The following SLC6A13 variants were observed in gnomAD, a reference collection of about 807,000 sequenced individuals.
SLC6A13 encodes the protein sodium- and chloride-dependent GABA transporter 2.
SLC6A13 carries 69 observed loss-of-function variants against 72.9 expected under a neutral mutation model. The observed-to-expected ratio is 0.95, with a 90% CI of 0.78 to 1.16. SLC6A13 has a LOEUF of 1.16. Ranked by LOEUF, SLC6A13 falls within the 50% of genes most tolerant of loss-of-function variation. The pLI, the probability that SLC6A13 is intolerant of heterozygous loss-of-function variation, is 0.00. For missense variants in SLC6A13, 735 were observed against 760.5 expected, an observed-to-expected ratio of 0.97 and a Z score of 0.39; for synonymous variants, 303 against 303.0, an observed-to-expected ratio of 1.00 and a Z score of 0.00.
chr12:238,675 T>C (rs972100674), intron 4 of SLC6A13, among the ~76,000 whole-genome samples: 2 of 152,208 alleles, frequency 1.3e-5, no homozygotes, highest in Non-Finnish European at 2.9e-5. Flanking sequence ...TTAAGACAGA[T>C]ACTGTTTTCC....
intron 11 of SLC6A13, 39 bp from the exon 12 acceptor site, chr12:223,273 A>G (rs1941293536): frequency 7.2e-7 from 1 of 1,385,692 alleles, no homozygotes; most frequent in African/African-American, 1.4e-5. Context: ...AAGTTTATCC[A>G]GTGGAAACAG....
chr12:244,669 G>C (rs2137300198), intron 2 of SLC6A13, among the ~76,000 whole-genome samples: 1 of 152,150 alleles, frequency 6.6e-6, no homozygotes, highest in South Asian at 2.1e-4. Context: ...CCTCCAACCT[G>C]GGTGACAGAG....
intron 3 of SLC6A13, among the ~76,000 whole-genome samples, chr12:242,985 A>C (rs1309875356): frequency 6.6e-6 from 1 of 152,028 alleles, no homozygotes; most frequent in Non-Finnish European, 1.5e-5. Context: ...AATACTGTAA[A>C]TTTTAAATAC....
chr12:232,317 C>T (rs1337223595), intron 7 of SLC6A13, among the ~76,000 whole-genome samples: 2 of 152,216 alleles, frequency 1.3e-5, no homozygotes, highest in African/African-American at 4.8e-5. Flanking sequence ...TGGTTCTCAA[C>T]TCTGCCCCTC....
chr12:243,651 C>A, intron 3 of SLC6A13, 28 bp downstream of exon 3: 1 of 1,603,658 alleles, frequency 6.2e-7, no homozygotes, highest in Non-Finnish European at 8.5e-7. Context: ...AATGAAGACG[C>A]TTTGGAGTCA....
intron 7 of SLC6A13, among the ~76,000 whole-genome samples, chr12:231,333 CA>C (rs1226576925): frequency 6.6e-6 from 1 of 152,228 alleles, no homozygotes; most frequent in Non-Finnish European, 1.5e-5. Context: ...CAACCGGCCT[CA>C]GTGCTTGGCA....
intron 8 of SLC6A13, among the ~76,000 whole-genome samples, chr12:227,325 C>T (rs1394597009): frequency 6.6e-6 from 1 of 152,202 alleles, no homozygotes; most frequent in Non-Finnish European, 1.5e-5. Context: ...GGAGGCCAGG[C>T]ACCCCTGCTG....
At chr12:224,310 C>T in intron 10 of SLC6A13, 91 bp downstream of exon 10, 2 of 1,344,022 alleles carry the variant, frequency 1.5e-6, no homozygotes, top group East Asian at 4.6e-5. Flanking sequence ...CCCAAAAGGG[C>T]ATCCACTTCT....
intron 13 of SLC6A13, 32 bp from the exon 14 acceptor site, chr12:221,578 G>T (rs1250306506): frequency 6.9e-7 from 1 of 1,443,870 alleles, no homozygotes; most frequent in Non-Finnish European, 9.4e-7. Context: ...AAAGGGGTTG[G>T]GGGGCGGGGG....
At chr12:248,627 G>A (rs988189593) in intron 2 of SLC6A13, among the ~76,000 whole-genome samples, 10 of 152,102 alleles carry the variant, frequency 6.6e-5, no homozygotes, top group East Asian at 5.8e-4. Flanking sequence ...CAAAATGCAC[G>A]AAGCAAAAAC....
chr12:244,879 T>G (rs572204347), intron 2 of SLC6A13, among the ~76,000 whole-genome samples: 1 of 152,358 alleles, frequency 6.6e-6, no homozygotes, highest in East Asian at 1.9e-4. Context: ...ATCTCAGGTG[T>G]TCTGTTGTAG....
intron 13 of SLC6A13, among the ~76,000 whole-genome samples, chr12:221,995 C>G (rs1202664462): frequency 2.0e-5 from 3 of 152,246 alleles, no homozygotes; most frequent in Admixed American, 6.5e-5. Flanking sequence ...GTTGTGGTTT[C>G]AGGCTCACAT....
chr12:226,274 A>T, intron 9 of SLC6A13, 116 bp downstream of exon 9: 1 of 1,279,380 alleles, frequency 7.8e-7, no homozygotes, highest in Non-Finnish European at 1.1e-6. Context: ...GCATCCACTG[A>T]ATGGTGGCCG....
At chr12:252,718 G>A (rs1474624778) in intron 2 of SLC6A13, among the ~76,000 whole-genome samples, 1 of 152,268 alleles carries the variant, frequency 6.6e-6, no homozygotes, top group Non-Finnish European at 1.5e-5. Context: ...AACAGTCACT[G>A]TGGAGAGCCC....
intron 4 of SLC6A13, among the ~76,000 whole-genome samples, chr12:238,589 T>C (rs1208279827): frequency 1.3e-5 from 2 of 152,210 alleles, no homozygotes; most frequent in Non-Finnish European, 2.9e-5. Flanking sequence ...CTCTTTATTA[T>C]TTGTGTGTGA....
rs140135882 is a variant in SLC6A13, at chr12:240,353, A to C, written c.478+2261T>G. 8.6e-3 allele frequency among the ~76,000 whole-genome samples: 1,305 copies of C among 152,174 alleles called. 8 individuals carry two copies. Among genetic ancestry groups the C allele is most frequent in the Middle Eastern group, 0.031 (9 of 294 alleles). Reference sequence around the variant, plus strand: ...CAAGTAGCTAGGGCCATGGGTGTGCACCACCACCCCTGGCAAATTTTTTGT... The same window carrying C: ...CAAGTAGCTAGGGCCATGGGTGTGCCCCACCACCCCTGGCAAATTTTTTGT... On this transcript the variant is annotated intron_variant, in intron 4 of 14. Transcript: ENST00000343164.
chr12:236,466 TA>T (rs560479803), intron 6 of SLC6A13, among the ~76,000 whole-genome samples: 239 of 152,352 alleles, frequency 1.6e-3, no homozygotes, highest in Admixed American at 3.5e-3. Flanking sequence ...TCCCCGGATA[TA>T]GTTCCATCTC....
chr12:251,279 G>T (rs1398334903), intron 2 of SLC6A13, among the ~76,000 whole-genome samples: 1 of 151,922 alleles, frequency 6.6e-6, no homozygotes, highest in Non-Finnish European at 1.5e-5. Flanking sequence ...AAAATAAACA[G>T]ATCAATGGAA....
chr12:220,876 C>T lies in SLC6A13; in HGVS notation c.*72G>A. 6.3e-7 allele frequency: 1 copy of T among 1,581,836 alleles called. No homozygotes were observed. ...GTCGGGGGCAGGGAAGCACATGGGG[C>T]TGCTTCTGCCACGTTCCCTCCACAG... On this transcript the variant is annotated 3_prime_UTR_variant, in exon 15 of 15. Transcript: ENST00000343164.
Sources: gnomAD v4.1 joint callset for allele counts (sites outside exome capture counted in the v4.1 genomes callset) on GRCh38, gnomAD v4.1.1 for gene constraint, MANE v1.5 for transcripts, NCBI Gene and HGNC (gene_info 2026-07-23, HGNC 2026-07-21) for gene names.